Variants in ACAN observed in about 807,000 individuals in gnomAD.
ACAN encodes aggrecan.
Under a neutral mutation model 169.1 loss-of-function variants are expected in ACAN, and 47 were observed. The ratio of observed to expected loss-of-function variants is 0.28; its 90% confidence interval spans 0.22 to 0.35. ACAN has a LOEUF of 0.35. Among genes scored for constraint, ACAN ranks in the 10% least tolerant of loss-of-function variants. The pLI is 1.00. For synonymous variants in ACAN, 1,115 were observed against 1,112.2 expected, an observed-to-expected ratio of 1.00 and a Z score of -0.05; for missense variants, 2,716 against 2,759.9, an observed-to-expected ratio of 0.98 and a Z score of 0.36.
chr15:88,861,282 G>A lies in ACAN; in HGVS notation c.6946+843G>A, dbSNP rs980277147. Among the ~76,000 whole-genome samples the A allele has an allele frequency of 1.1e-4, 16 of 152,156 alleles. No homozygotes were observed. The highest frequency in any genetic ancestry group is 3.9e-4 in the African/African-American group (16 of 41,508). ...ATCCCCAGCCTCCCTCCTAGGTCAAGAATCAGAGACCTAGGGTCTTTCATA... is the reference window on the plus strand; with the variant it reads ...ATCCCCAGCCTCCCTCCTAGGTCAAAAATCAGAGACCTAGGGTCTTTCATA... On this transcript the variant is annotated intron_variant, in intron 13 of 18. Coordinates refer to ENST00000560601, the MANE Select transcript of ACAN (RefSeq NM_001369268.1). The surrounding 1 kb of genome is among the most constrained non-coding windows in gnomAD (Gnocchi z 6.3).
In ACAN at chr15:88,855,377, C is replaced by T. The variant is rs1374551151; in HGVS notation, c.2792C>T (p.Thr931Ile). ...GDEERIEWPS[T>I]PTVGELPSGA... ...GAAGAGAGAATTGAGTGGCCCAGCA[C>T]TCCTACGGTTGGTGAACTGCCCTCT... Residue 931 changes from threonine to isoleucine, a missense_variant, in exon 12 of 19, where the codon ACT becomes ATT. Thr to Ile is a moderately conservative substitution (Grantham distance 89, BLOSUM62 -1). Coordinates refer to ENST00000560601, the MANE Select transcript of ACAN (RefSeq NM_001369268.1). The T allele has an allele frequency of 3.1e-6, 5 of 1,613,130 alleles. No homozygotes were observed. In the East Asian group the frequency reaches 6.7e-5, roughly 22 times the overall value.
intron 11 of ACAN, among the ~76,000 whole-genome samples, chr15:88,852,990 T>C (rs556143761): frequency 3.9e-5 from 6 of 152,276 alleles, no homozygotes; most frequent in African/African-American, 1.2e-4. Context: ...CTTCTGGGCA[T>C]TGGAGATGCA....
At position 88,859,202 on chromosome 15, in the gene ACAN, C is replaced by A; in HGVS notation, c.6617C>A (p.Thr2206Asn). 6.2e-7 allele frequency: 1 copy of A among 1,613,912 alleles called. No individual in the cohort carries two copies. Among genetic ancestry groups the A allele is most frequent in the Non-Finnish European group, 8.5e-7 (1 of 1,179,904 alleles). The change falls in exon 12 of 19, where the codon ACC becomes AAC. Residue 2206 changes from threonine (T) to asparagine (N), a missense_variant. This residue lies in a region of ACAN where 1,389 missense variants were observed against 1,363.7 expected (regional missense o/e 1.02). Coordinates refer to ENST00000560601, the MANE Select transcript of ACAN (RefSeq NM_001369268.1). ...ATCAGCGGAGACCTGTCTGGTCACA[C>A]CTCGCAGCTGGGCGTTGTCATCAGC... is the stretch of plus-strand genomic sequence containing the variant. ...TEISGDLSGH[T>N]SQLGVVISTS...
rs1897469570 is a variant in ACAN, at chr15:88,874,643, A to G, written c.*162A>G. 2.7e-6 allele frequency: 2 copies of G among 739,666 alleles called. No individual in the cohort carries two copies. Among genetic ancestry groups the G allele is most frequent in the Non-Finnish European group, 4.7e-6 (2 of 423,702 alleles). The allele number at this position is 739,666 out of a possible 1,614,324, so 45.8% of individuals were successfully genotyped here. A position where few individuals can be genotyped will look rare whatever the true frequency, so the allele number is the denominator to read the frequency against. Reference sequence around the variant, plus strand: ...CCCACATTTGTGTATGCACCCACTCACCCCTCCAAATCAGCAAAACCGCAT... The same window carrying G: ...CCCACATTTGTGTATGCACCCACTCGCCCCTCCAAATCAGCAAAACCGCAT... On this transcript the variant is annotated 3_prime_UTR_variant, in exon 19 of 19. Coordinates refer to ENST00000560601, the MANE Select transcript of ACAN (RefSeq NM_001369268.1). This position sits in a 1 kb window ranked among gnomAD's most constrained non-coding sequence, Gnocchi z 7.3.
chr15:88,814,844 G>T lies in ACAN; in HGVS notation c.-8+11035G>T, dbSNP rs890203555. ...GGCAGGAGGTGCTGGTGCAGGGCTG[G>T]GGGCTGCCTCTGGCCCTACCGAACT... On this transcript the variant is annotated intron_variant, in intron 1 of 18. Coordinates refer to ENST00000560601, the MANE Select transcript of ACAN (RefSeq NM_001369268.1). This position sits in a 1 kb window ranked among gnomAD's most constrained non-coding sequence, Gnocchi z 4.0. 5.3e-5 allele frequency among the ~76,000 whole-genome samples: 8 copies of T among 152,110 alleles called. No homozygotes were observed. Among genetic ancestry groups the T allele is most frequent in the Non-Finnish European group, 7.4e-5 (5 of 68,006 alleles).
chr15:88,860,900 G>A (rs1163390304), intron 13 of ACAN, among the ~76,000 whole-genome samples: 1 of 152,060 alleles, frequency 6.6e-6, no homozygotes, highest in East Asian at 1.9e-4. Flanking sequence ...TCCCCTTCTT[G>A]CCCTGAAGGA....
chr15:88,849,780 C>A lies in ACAN; in HGVS notation c.2026+49C>A, dbSNP rs1896890756. Reference sequence around the variant, plus strand: ...AACAGCCCCTTTTGTCTGGAGAGGACCCCACTGGGTTCACCGGATCCTGCC... The same window carrying A: ...AACAGCCCCTTTTGTCTGGAGAGGAACCCACTGGGTTCACCGGATCCTGCC... On this transcript the variant is annotated intron_variant, in intron 10 of 18. Transcript: ENST00000560601. This position sits in a 1 kb window ranked among gnomAD's most constrained non-coding sequence, Gnocchi z 5.1. 1.9e-6 allele frequency: 3 copies of A among 1,594,814 alleles called. No individual in the cohort carries two copies. Among genetic ancestry groups the A allele is most frequent in the African/African-American group, 2.7e-5 (2 of 74,472 alleles).
chr15:88,858,809 C>T lies in ACAN; in HGVS notation c.6224C>T (p.Thr2075Ile), dbSNP rs1321885900. 2.5e-6 allele frequency: 4 copies of T among 1,613,882 alleles called. No homozygotes were observed. The highest frequency in any genetic ancestry group is 3.3e-5 in the Admixed American group (2 of 60,020). The change falls in exon 12 of 19, where the codon ACA (threonine) becomes ATA (isoleucine). Residue 2075 changes from threonine to isoleucine, a missense_variant. Thr to Ile is a moderately conservative substitution (Grantham distance 89, BLOSUM62 -1). Around this residue, in one of 3 missense-constraint regions of ACAN, gnomAD observed 1,389 missense variants for 1,363.7 expected, o/e 1.02. Transcript: ENST00000560601. This position sits in a 1 kb window ranked among gnomAD's most constrained non-coding sequence, Gnocchi z 4.0. ...TTTGAGTCCAGTGGAAAAGTCTCCA[C>T]AGCTGGGGACATTAGTGGAGCTACC... ...QLFESSGKVSTAGDISGATPV... is the reference protein window; with the variant it reads ...QLFESSGKVSIAGDISGATPV...
chr15:88,833,603 C>T (rs1237101307), intron 1 of ACAN, among the ~76,000 whole-genome samples: 1 of 152,000 alleles, frequency 6.6e-6, no homozygotes, highest in East Asian at 1.9e-4. Context: ...ATTTTCTTTA[C>T]AGCTGAGAAA....
intron 1 of ACAN, among the ~76,000 whole-genome samples, chr15:88,813,516 AC>A (rs2141496864): frequency 6.6e-6 from 1 of 152,190 alleles, no homozygotes; most frequent in South Asian, 2.1e-4. Context: ...CCATATGCCA[AC>A]CCCAAATCTC....
chr15:88,817,439 G>A (rs567786479), intron 1 of ACAN, among the ~76,000 whole-genome samples: 79 of 152,072 alleles, frequency 5.2e-4, no homozygotes, highest in Non-Finnish European at 9.1e-4. Context: ...ACTGTGCCTG[G>A]CCAAATGTAG....
chr15:88,854,870 C>T lies in ACAN; in HGVS notation c.2285C>T (p.Pro762Leu). The T allele has an allele frequency of 6.7e-7, 1 of 1,496,170 alleles. No individual in the cohort carries two copies. The highest frequency in any genetic ancestry group is 1.4e-5 in the African/African-American group (1 of 71,064). 92.7% of individuals were successfully genotyped at this position (1,496,170 alleles called of 1,614,324 possible). A position where few individuals can be genotyped will look rare whatever the true frequency, so the allele number is the denominator to read the frequency against. Residue 762 changes from proline (P) to leucine (L), a missense_variant, in exon 12 of 19, where the codon CCT (proline) becomes CTT (leucine). Pro to Leu is a moderately conservative substitution (Grantham distance 98, BLOSUM62 -3). This residue lies in a region of ACAN where 1,283 missense variants were observed against 1,281.5 expected (regional missense o/e 1.00). Coordinates refer to ENST00000560601, the MANE Select transcript of ACAN (RefSeq NM_001369268.1). Reference protein sequence around the residue: ...SPLPGILPTWPPTGAATEEST... With the variant: ...SPLPGILPTWLPTGAATEEST... Reference sequence around the variant, plus strand: ...CCTACAGGGATCCTTCCTACTTGGCCTCCCACTGGCGCAGCAACAGAGGAA... The same window carrying T: ...CCTACAGGGATCCTTCCTACTTGGCTTCCCACTGGCGCAGCAACAGAGGAA...
In ACAN at chr15:88,848,009, A is replaced by G; in HGVS notation, c.1703A>G (p.Asp568Gly). 6.2e-7 allele frequency: 1 copy of G among 1,613,914 alleles called. No homozygotes were observed. The highest frequency in any genetic ancestry group is 8.5e-7 in the Non-Finnish European group (1 of 1,179,856). ...YGVRPSTETY[D>G]VYCFVDRLEG... ...GTGCGCCCATCAACAGAGACCTACGATGTCTACTGCTTTGTAGACAGACTT... is the reference window on the plus strand; with the variant it reads ...GTGCGCCCATCAACAGAGACCTACGGTGTCTACTGCTTTGTAGACAGACTT... Residue 568 changes from aspartate to glycine, a missense_variant, in exon 9 of 19, where the codon GAT becomes GGT. By Grantham distance (94) the Asp-to-Gly change is moderately conservative (BLOSUM62 -1). Around this residue, in one of 3 missense-constraint regions of ACAN, gnomAD observed 1,283 missense variants for 1,281.5 expected, o/e 1.00. Coordinates refer to ENST00000560601, the MANE Select transcript of ACAN (RefSeq NM_001369268.1).
chr15:88,844,452 C>T lies in ACAN; in HGVS notation c.1051+804C>T, dbSNP rs527858850. Among the ~76,000 whole-genome samples, 6 of 152,248 alleles carry T rather than the reference C, an allele frequency of 3.9e-5. 1 individual carries two copies. In the South Asian group the frequency reaches 1.2e-3, roughly 32 times the overall value. On this transcript the variant is annotated intron_variant, in intron 6 of 18. Coordinates refer to ENST00000560601, the MANE Select transcript of ACAN (RefSeq NM_001369268.1). ...GCAGTGGTGCTATTTCAGCTCATTG[C>T]AACCTCCATCTCCCAGGTTCAAACG...
In ACAN at chr15:88,871,438, T is replaced by G; in HGVS notation, c.7117T>G (p.Phe2373Val). The part of the protein sequence containing the change: ...NKYQGHCYRH[F>V]PDRETWVDAE... ...GTACCAGGGCCACTGTTACCGCCAC[T>G]TCCCGGACCGCGAGACCTGGGTGGA... The change falls in exon 15 of 19, where the codon TTC (phenylalanine) becomes GTC (valine). Residue 2373 changes from phenylalanine to valine, a missense_variant. Transcript: ENST00000560601. The surrounding 1 kb of genome is among the most constrained non-coding windows in gnomAD (Gnocchi z 7.8). The G allele has an allele frequency of 6.2e-7, 1 of 1,613,920 alleles. No homozygotes were observed. The highest frequency in any genetic ancestry group is 8.5e-7 in the Non-Finnish European group (1 of 1,179,870).
At position 88,847,253 on chromosome 15, in the gene ACAN, C is replaced by G. The variant is rs773918941; in HGVS notation, c.1440C>G (p.Phe480Leu). Residue 480 changes from phenylalanine to leucine, a missense_variant, in exon 8 of 19, where the codon TTC becomes TTG. Physicochemically the swap from Phe to Leu is conservative, Grantham distance 22 (BLOSUM62 0). Transcript: ENST00000560601. ...CTCCTCCCCACCCAGGGGTCGTCTTCCACTACCGCCCGGGACCCACCCGCT... is the reference window on the plus strand; with the variant it reads ...CTCCTCCCCACCCAGGGGTCGTCTTGCACTACCGCCCGGGACCCACCCGCT... ...GQPHLPGGVV[F>L]HYRPGPTRYS... 6 of 1,551,510 alleles carry G rather than the reference C, an allele frequency of 3.9e-6. No homozygotes were observed. The highest frequency in any genetic ancestry group is 5.2e-6 in the Non-Finnish European group (6 of 1,147,206).
Position 88,874,108 on chromosome 15 carries a change from C to T in ACAN, c.7630+84C>T. 1 of 1,506,146 alleles carries T rather than the reference C, an allele frequency of 6.6e-7. No individual in the cohort carries two copies. The highest frequency in any genetic ancestry group is 9.0e-7 in the Non-Finnish European group (1 of 1,108,904). 93.3% of individuals were successfully genotyped at this position (1,506,146 alleles called of 1,614,324 possible). A position where few individuals can be genotyped will look rare whatever the true frequency, so the allele number is the denominator to read the frequency against. On this transcript the variant is annotated intron_variant, in intron 18 of 18. Transcript: ENST00000560601. The surrounding 1 kb of genome is among the most constrained non-coding windows in gnomAD (Gnocchi z 7.3). ...TCCCCCCGTCCCCTCTCCTGGGGAC[C>T]CTACACCGTCCACAGGGTTGAGCAA...
Position 88,872,731 on chromosome 15 carries a change from C to T in ACAN, c.7303-150C>T. 1.0e-6 allele frequency: 1 copy of T among 997,880 alleles called. No individual in the cohort carries two copies. The highest frequency in any genetic ancestry group is 1.5e-6 in the Non-Finnish European group (1 of 688,398). 61.8% of individuals were successfully genotyped at this position (997,880 alleles called of 1,614,324 possible). On this transcript the variant is annotated intron_variant, in intron 16 of 18. Coordinates refer to ENST00000560601, the MANE Select transcript of ACAN (RefSeq NM_001369268.1). This position sits in a 1 kb window ranked among gnomAD's most constrained non-coding sequence, Gnocchi z 5.4. ...CCTAGAACAGCCCTGATCAGATTCC[C>T]AGCAGTTTTTGTGCTGCTATCAGAT...
intron 1 of ACAN, among the ~76,000 whole-genome samples, chr15:88,819,336 G>C (rs1397541786): frequency 6.6e-6 from 1 of 152,178 alleles, no homozygotes; most frequent in Non-Finnish European, 1.5e-5. Flanking sequence ...TCTGGGGTTG[G>C]AGGCCTTATT....
Sources: allele counts gnomAD v4.1 joint callset (sites outside exome capture counted in the v4.1 genomes callset), GRCh38; gene constraint gnomAD v4.1.1; regional missense constraint gnomAD v4.1.1; non-coding constraint Gnocchi (gnomAD v3.1); transcripts MANE v1.5; gene names NCBI Gene and HGNC (gene_info 2026-07-23, HGNC 2026-07-21).